Variants in POLQ observed in about 807,000 individuals in gnomAD.
POLQ encodes DNA polymerase theta.
POLQ carries 233 observed loss-of-function variants against 259.2 expected under a neutral mutation model. The observed-to-expected ratio is 0.90, with a 90% CI of 0.81 to 1.00. The LOEUF (loss-of-function observed/expected upper bound fraction) is 1.00, where lower values mean the gene tolerates loss of function less well. Among genes scored for constraint, POLQ ranks in the 50% least tolerant of loss-of-function variants. POLQ has a pLI of 0.00. For synonymous variants in POLQ, 1,025 were observed against 1,048.8 expected, an observed-to-expected ratio of 0.98 and a Z score of 0.44; for missense variants, 2,871 against 3,051.6, an observed-to-expected ratio of 0.94 and a Z score of 1.39.
intron 19 of POLQ, among the ~76,000 whole-genome samples, chr3:121,479,410 A>G (rs541735863): frequency 6.6e-6 from 1 of 151,164 alleles, no homozygotes; most frequent in Non-Finnish European, 1.5e-5. Flanking sequence ...ACTGTAGAAT[A>G]CAATAAAAGT....
intron 12 of POLQ, among the ~76,000 whole-genome samples, chr3:121,505,167 T>C (rs994425727): frequency 6.6e-6 from 1 of 152,186 alleles, no homozygotes; most frequent in Non-Finnish European, 1.5e-5. Flanking sequence ...TCTCTCACTC[T>C]CTTCCTCTTG....
At chr3:121,482,265 T>C (rs1160685256) in intron 18 of POLQ, among the ~76,000 whole-genome samples, 1 of 152,178 alleles carries the variant, frequency 6.6e-6, no homozygotes, top group African/African-American at 2.4e-5. Context: ...ACACCTGTAA[T>C]CCCAGCACTT....
rs539524889 is a variant in POLQ, at chr3:121,480,023, T to C, written c.6211+1549A>G. On this transcript the variant is annotated intron_variant, in intron 19 of 29. Transcript: ENST00000264233. The stretch of plus-strand genomic sequence containing the variant: ...AATATTATGAAAGAAAAAGAGAATA[T>C]AACAAATAAACCAGAGACGTAAAAA... 3.1e-3 allele frequency among the ~76,000 whole-genome samples: 476 copies of C among 151,620 alleles called. 8 individuals carry two copies. Among genetic ancestry groups the C allele is most frequent in the African/African-American group, 0.011 (452 of 41,380 alleles).
rs923952636 is a variant in POLQ, at chr3:121,490,205, C to A, written c.2726G>T (p.Cys909Phe). 6.2e-7 allele frequency: 1 copy of A among 1,613,870 alleles called. No homozygotes were observed. Residue 909 changes from cysteine to phenylalanine, a missense_variant, in exon 16 of 30, where the codon TGC (cysteine) becomes TTC (phenylalanine). Physicochemically the swap from Cys to Phe is radical, Grantham distance 205. Around this residue, in one of 3 missense-constraint regions of POLQ, gnomAD observed 2,080 missense variants for 2,126.0 expected, o/e 0.98. Transcript: ENST00000264233. ...TTCGGACTCACTATGAGTCAATGAGCATGTACTAGAATGTAACAGGGCACA... is the reference window on the plus strand; with the variant it reads ...TTCGGACTCACTATGAGTCAATGAGAATGTACTAGAATGTAACAGGGCACA... The part of the protein sequence containing the change: ...NPCALLHSST[C>F]SLTHSESEVK...
rs539082129 is a variant in POLQ at position 121,487,817 on chromosome 3, A to G, written c.5114T>C (p.Ile1705Thr). The part of the protein sequence containing the change: ...FSSNNEVKSK[I>T]EMLENNANHD... ...ATTGGCATTGTTTTCTAGCATCTCA[A>G]TCTTGCTTTTTACTTCATTATTAGA... is the stretch of plus-strand genomic sequence containing the variant. The change falls in exon 16 of 30, where the codon ATT (isoleucine) becomes ACT (threonine). Residue 1705 changes from isoleucine to threonine, a missense_variant. This residue lies in a region of POLQ where 2,080 missense variants were observed against 2,126.0 expected (regional missense o/e 0.98). Transcript: ENST00000264233. The G allele has an allele frequency of 8.7e-6, 14 of 1,609,618 alleles. 1 individual carries two copies. In the Admixed American group the frequency reaches 2.2e-4, roughly 25 times the overall value.
At chr3:121,496,692 A>G (rs2048126941) in intron 14 of POLQ, 116 bp downstream of exon 14, 1 of 1,059,328 alleles carries the variant, frequency 9.4e-7, no homozygotes, top group Admixed American at 2.5e-5. Flanking sequence ...GAACTGTACA[A>G]AGTTTTAGCA....
intron 9 of POLQ, among the ~76,000 whole-genome samples, chr3:121,519,166 C>T (rs2048318984): frequency 6.6e-6 from 1 of 151,876 alleles, no homozygotes; most frequent in African/African-American, 2.4e-5. Flanking sequence ...ATTTCTGAGA[C>T]CAGTCACCTA....
At position 121,476,531 on chromosome 3, in the gene POLQ, T is replaced by C. The variant is rs770300959; in HGVS notation, c.6405+9A>G. 13 of 1,600,956 alleles carry C rather than the reference T, an allele frequency of 8.1e-6. No homozygotes were observed. In the East Asian group the frequency reaches 2.7e-4, roughly 33 times the overall value. On this transcript the variant is annotated intron_variant, in intron 20 of 29. Coordinates refer to ENST00000264233, the MANE Select transcript of POLQ (RefSeq NM_199420.4). The stretch of plus-strand genomic sequence containing the variant: ...TTATGTATCTATATCCCTAGCCCCA[T>C]GATACAACCTCAGCGATGTCATCTG...
At chr3:121,543,656 C>T (rs758494802) in intron 2 of POLQ, among the ~76,000 whole-genome samples, 9 of 152,094 alleles carry the variant, frequency 5.9e-5, no homozygotes, top group African/African-American at 9.7e-5. Context: ...AGTAAGCATG[C>T]GTTAAAAATT....
At position 121,545,721 on chromosome 3, in the gene POLQ, C is replaced by T; in HGVS notation, c.157G>A (p.Ala53Thr). Residue 53 changes from alanine to threonine, a missense_variant, in exon 1 of 30, where the codon GCT becomes ACT. Ala to Thr is a moderately conservative substitution (Grantham distance 58, BLOSUM62 0). Coordinates refer to ENST00000264233, the MANE Select transcript of POLQ (RefSeq NM_199420.4). ...TCCCGGGTTCCTGGAGCACCTGCAG[C>T]TGCGGCCTTCAGGCAGCGACCAAGG... ...PGLGRCLKAAAAGECKPTVPD... is the reference protein window; with the variant it reads ...PGLGRCLKAATAGECKPTVPD... The T allele has an allele frequency of 6.4e-7, 1 of 1,562,110 alleles. No homozygotes were observed. The highest frequency in any genetic ancestry group is 2.4e-5 in the East Asian group (1 of 42,096).
chr3:121,486,424 T>G (rs2108796628), intron 16 of POLQ, among the ~76,000 whole-genome samples: 1 of 152,124 alleles, frequency 6.6e-6, no homozygotes, highest in East Asian at 1.9e-4. Flanking sequence ...CATGATGGCA[T>G]GCACCTGTAG....
chr3:121,454,670 C>A (rs1206405732), intron 25 of POLQ, among the ~76,000 whole-genome samples: 1 of 152,190 alleles, frequency 6.6e-6, no homozygotes, highest in Non-Finnish European at 1.5e-5. Flanking sequence ...ATCAATTCAA[C>A]AAGAAGAGCT....
chr3:121,500,306 T>C (rs1439575071), intron 12 of POLQ, among the ~76,000 whole-genome samples: 1 of 147,328 alleles, frequency 6.8e-6, no homozygotes, highest in Non-Finnish European at 1.5e-5. Context: ...AAAAGTGCAG[T>C]AACTAAAATG....
In POLQ at chr3:121,541,413, C is replaced by T. The variant is rs376985427; in HGVS notation, c.410G>A (p.Arg137Gln). Residue 137 changes from arginine to glutamine, a missense_variant, in exon 3 of 30, where the codon CGG becomes CAG. Around this residue, in one of 3 missense-constraint regions of POLQ, gnomAD observed 783 missense variants for 906.2 expected, o/e 0.86. Coordinates refer to ENST00000264233, the MANE Select transcript of POLQ (RefSeq NM_199420.4). ...LLILKRVLEM[R>Q]KKALFILPFV... ...GGGAAGAATAAACAAAGCTTTCTTC[C>T]GCATTTCCAAAACCCGCTTCAAAAT... 6.2e-5 allele frequency: 100 copies of T among 1,611,026 alleles called. 1 individual carries two copies. The highest frequency in any genetic ancestry group is 7.5e-5 in the Non-Finnish European group (88 of 1,178,046).
At chr3:121,512,175 G>C in intron 9 of POLQ, 146 bp from the exon 10 acceptor site, 3 of 650,828 alleles carry the variant, frequency 4.6e-6, no homozygotes, top group Non-Finnish European at 7.6e-6. Flanking sequence ...GCTATTTTTT[G>C]AACTTTGGAC....
rs773259842 is a variant in POLQ at position 121,472,187 on chromosome 3, G to A, written c.6544-23C>T. On this transcript the variant is annotated intron_variant, in intron 21 of 29. Transcript: ENST00000264233. ...GTCCTGCCAAAAAAATATAAGGTAA[G>A]ATTGAATTCTTGTCCAAATTCCACA... The A allele has an allele frequency of 4.2e-6, 5 of 1,201,490 alleles. No homozygotes were observed. In the African/African-American group the frequency reaches 4.6e-5, roughly 11 times the overall value. The allele number at this position is 1,201,490 out of a possible 1,614,324, so 74.4% of individuals were successfully genotyped here.
intron 24 of POLQ, among the ~76,000 whole-genome samples, chr3:121,461,047 C>T (rs1238887417): frequency 6.6e-6 from 1 of 152,090 alleles, no homozygotes; most frequent in African/African-American, 2.4e-5. Context: ...TTAAAGAATG[C>T]TCAGCTTCAT....
chr3:121,534,656 T>C (rs1476853440), intron 5 of POLQ, among the ~76,000 whole-genome samples: 1 of 152,204 alleles, frequency 6.6e-6, no homozygotes, highest in Non-Finnish European at 1.5e-5. Flanking sequence ...AATTAAATAA[T>C]TGATTCTCAG....
In POLQ at chr3:121,432,420, A is replaced by G. The variant is rs774129776; in HGVS notation, c.7660-3T>C. ...TCATTCTTGACAATCTGAGCTACCT[A>G]AGGAAAAAAAAAATGTAGTTAACAA... On this transcript the variant is annotated splice_region_variant and splice_polypyrimidine_tract_variant and intron_variant, in intron 29 of 29. Coordinates refer to ENST00000264233, the MANE Select transcript of POLQ (RefSeq NM_199420.4). The G allele has an allele frequency of 1.2e-6, 2 of 1,601,452 alleles. No homozygotes were observed. Among genetic ancestry groups the G allele is most frequent in the Non-Finnish European group, 1.7e-6 (2 of 1,176,008 alleles).
Sources: allele counts gnomAD v4.1 joint callset (sites outside exome capture counted in the v4.1 genomes callset), GRCh38; gene constraint gnomAD v4.1.1; regional missense constraint gnomAD v4.1.1; transcripts MANE v1.5; gene names NCBI Gene and HGNC (gene_info 2026-07-23, HGNC 2026-07-21).